The following MAP1A variants were observed in gnomAD, a reference collection of about 807,000 sequenced individuals.
MAP1A encodes the protein microtubule associated protein 1A.
MAP1A carries 42 observed loss-of-function variants against 185.9 expected under a neutral mutation model. That is an observed-to-expected ratio of 0.23 (90% CI 0.18 to 0.29). The LOEUF is 0.29. Among genes scored for constraint, MAP1A ranks in the 10% least tolerant of loss-of-function variants. MAP1A has a pLI of 1.00. For missense variants in MAP1A, 2,995 were observed against 3,450.4 expected (o/e 0.87, Z 3.31); for synonymous variants, 1,229 against 1,335.9 (o/e 0.92, Z 1.74).
In MAP1A at chr15:43,525,198, A is replaced by T. The variant is rs1004147414; in HGVS notation, c.3725A>T (p.Gln1242Leu). The change falls in exon 4 of 6, where the codon CAG (glutamine) becomes CTG (leucine). Residue 1242 changes from glutamine (Q) to leucine (L), a missense_variant. Around this residue, in one of 3 missense-constraint regions of MAP1A, gnomAD observed 2,728 missense variants for 2,986.0 expected, o/e 0.91. Coordinates refer to ENST00000300231, the MANE Select transcript of MAP1A (RefSeq NM_002373.6). ...LGKEEMGHLM[Q>L]AEDTSHHTAP... ...AAGGAAGAAATGGGGCATCTGATGC[A>T]GGCCGAGGATACCTCTCACCACACA... is the stretch of plus-strand genomic sequence containing the variant. 4 of 1,614,162 alleles carry T rather than the reference A, an allele frequency of 2.5e-6. No homozygotes were observed. The highest frequency in any genetic ancestry group is 2.5e-6 in the Non-Finnish European group (3 of 1,180,028).
chr15:43,515,369 C>T (rs948139304), upstream of MAP1A, among the ~76,000 whole-genome samples: 8 of 152,188 alleles, frequency 5.3e-5, no homozygotes, highest in Admixed American at 2.0e-4. Flanking sequence ...CCCCTGGAAC[C>T]GGGGTCTGCA....
At position 43,521,788 on chromosome 15, in the gene MAP1A, A is replaced by G; in HGVS notation, c.315A>G (p.Lys105=). 1 of 1,614,230 alleles carries G rather than the reference A, an allele frequency of 6.2e-7. No homozygotes were observed. Among genetic ancestry groups the G allele is most frequent in the Non-Finnish European group, 8.5e-7 (1 of 1,180,040 alleles). The part of the protein sequence containing the change: ...LPGINGLLQR[K]VAELEEEQSQ... Reference sequence around the variant, plus strand: ...GCATCAATGGACTACTGCAGCGCAAAGTGGCAGAGCTAGAGGAGGAGCAGT... The same window carrying G: ...GCATCAATGGACTACTGCAGCGCAAGGTGGCAGAGCTAGAGGAGGAGCAGT... The change falls in exon 4 of 6, where the codon AAA becomes AAG. Residue 105 remains lysine (K), a synonymous_variant. Coordinates refer to ENST00000300231, the MANE Select transcript of MAP1A (RefSeq NM_002373.6). This position sits in a 1 kb window ranked among gnomAD's most constrained non-coding sequence, Gnocchi z 4.6.
chr15:43,518,704 G>GGCCCCCCCCCCC (rs2079307778), intron 1 of MAP1A, among the ~76,000 whole-genome samples: 1 of 104,386 alleles, frequency 9.6e-6, no homozygotes, highest in African/African-American at 6.4e-5. Flanking sequence ...CTGCACCGCA[G>GGCCCCCCCCCCC]CCCACCCCCC....
Position 43,525,265 on chromosome 15 carries a change from A to G in MAP1A, c.3792A>G (p.Ser1264=), listed in dbSNP as rs1393373575. ...CAGAGCCCCATGCAGCCACAGCGTC[A>G]CCTCCCACAGATGGGACAACTCGAT... ...SVPEPHAATA[S]PPTDGTTRYS... is the part of the protein sequence containing the mutation. The change falls in exon 4 of 6, where the codon TCA becomes TCG. Residue 1264 remains serine, a synonymous_variant. Coordinates refer to ENST00000300231, the MANE Select transcript of MAP1A (RefSeq NM_002373.6). The G allele has an allele frequency of 6.2e-7, 1 of 1,614,090 alleles. No homozygotes were observed. Among genetic ancestry groups the G allele is most frequent in the Non-Finnish European group, 8.5e-7 (1 of 1,180,036 alleles).
At position 43,521,481 on chromosome 15, in the gene MAP1A, G is replaced by T. The variant is rs2079319029; in HGVS notation, c.8G>T (p.Gly3Val). The T allele has an allele frequency of 1.2e-6, 2 of 1,614,036 alleles. No homozygotes were observed. The highest frequency in any genetic ancestry group is 2.7e-5 in the African/African-American group (2 of 74,904). Residue 3 changes from glycine to valine, a missense_variant, in exon 4 of 6, where the codon GGC becomes GTC. Physicochemically the swap from Gly to Val is moderately radical, Grantham distance 109. Around this residue, in one of 3 missense-constraint regions of MAP1A, gnomAD observed 264 missense variants for 435.3 expected, o/e 0.61. Transcript: ENST00000300231. This position sits in a 1 kb window ranked among gnomAD's most constrained non-coding sequence, Gnocchi z 4.6. Reference protein sequence around the residue: MDGVAEFSEYVSE... With the variant: MDVVAEFSEYVSE... ...GAGCCCACTCTGCCCACCATGGACG[G>T]CGTGGCTGAGTTCTCCGAGTATGTC... is the stretch of plus-strand genomic sequence containing the variant.
chr15:43,519,792 C>T (rs986452954), intron 1 of MAP1A, among the ~76,000 whole-genome samples: 1 of 152,166 alleles, frequency 6.6e-6, no homozygotes, highest in South Asian at 2.1e-4. Flanking sequence ...GTTTCTTGTT[C>T]AAGAACCTTT....
Position 43,526,240 on chromosome 15 carries a change from A to G in MAP1A, c.4767A>G (p.Lys1589=). 1 of 1,614,108 alleles carries G rather than the reference A, an allele frequency of 6.2e-7. No homozygotes were observed. The change falls in exon 4 of 6, where the codon AAA becomes AAG. Residue 1589 remains lysine (K), a synonymous_variant. Coordinates refer to ENST00000300231, the MANE Select transcript of MAP1A (RefSeq NM_002373.6). This position sits in a 1 kb window ranked among gnomAD's most constrained non-coding sequence, Gnocchi z 4.7. ...AGGAGAGCCTAGTGCAGGAGGATAAAACCAGGAAACCAAAGATGCTAGAGG... is the reference window on the plus strand; with the variant it reads ...AGGAGAGCCTAGTGCAGGAGGATAAGACCAGGAAACCAAAGATGCTAGAGG... The part of the protein sequence containing the change: ...QEQESLVQED[K]TRKPKMLEEK...
At position 43,524,861 on chromosome 15, in the gene MAP1A, G is replaced by A. The variant is rs2079335895; in HGVS notation, c.3388G>A (p.Gly1130Ser). The change falls in exon 4 of 6, where the codon GGC becomes AGC. Residue 1130 changes from glycine (G) to serine (S), a missense_variant. Gly to Ser is a moderately conservative substitution (Grantham distance 56). This residue lies in a region of MAP1A where 2,728 missense variants were observed against 2,986.0 expected (regional missense o/e 0.91). Transcript: ENST00000300231. Reference sequence around the variant, plus strand: ...TTTGAGGACTTTACCCCAAGAACCTGGCAAACCTCAGAAAGATGAGGTGCT... The same window carrying A: ...TTTGAGGACTTTACCCCAAGAACCTAGCAAACCTCAGAAAGATGAGGTGCT... Reference protein sequence around the residue: ...GGLRTLPQEPGKPQKDEVLRY... With the variant: ...GGLRTLPQEPSKPQKDEVLRY... 2 of 1,614,144 alleles carry A rather than the reference G, an allele frequency of 1.2e-6. No homozygotes were observed. The highest frequency in any genetic ancestry group is 1.7e-6 in the Non-Finnish European group (2 of 1,180,036).
At position 43,528,809 on chromosome 15, in the gene MAP1A, G is replaced by A. The variant is rs1167316685; in HGVS notation, c.7336G>A (p.Gly2446Arg). The A allele has an allele frequency of 1.2e-6, 2 of 1,613,382 alleles. No homozygotes were observed. The highest frequency in any genetic ancestry group is 2.7e-5 in the African/African-American group (2 of 74,912). ...TGCCACTGAGCCTCGGCCCCATCGT[G>A]GGGAGCTCTCCCCATCCTTCCTGAA... ...GCATEPRPHR[G>R]ELSPSFLNPP... The change falls in exon 4 of 6, where the codon GGG becomes AGG. Residue 2446 changes from glycine to arginine, a missense_variant. Physicochemically the swap from Gly to Arg is moderately radical, Grantham distance 125 (BLOSUM62 -2). This residue lies in a region of MAP1A where 2,728 missense variants were observed against 2,986.0 expected (regional missense o/e 0.91). Transcript: ENST00000300231.
At position 43,528,343 on chromosome 15, in the gene MAP1A, C is replaced by T; in HGVS notation, c.6870C>T (p.Asp2290=). ...CAGAACAGGAGTCTGGAGAGCTGGA[C>T]CCAGGAATGGAACCAGCTGCCCACA... ...EAAEQESGEL[D]PGMEPAAHSL... is the part of the protein sequence containing the mutation. Residue 2290 remains aspartate (D), a synonymous_variant, in exon 4 of 6, where the codon GAC becomes GAT. Coordinates refer to ENST00000300231, the MANE Select transcript of MAP1A (RefSeq NM_002373.6). 1 of 1,614,070 alleles carries T rather than the reference C, an allele frequency of 6.2e-7. No individual in the cohort carries two copies. Among genetic ancestry groups the T allele is most frequent in the South Asian group, 1.1e-5 (1 of 91,086 alleles).
At position 43,527,647 on chromosome 15, in the gene MAP1A, C is replaced by A; in HGVS notation, c.6174C>A (p.Thr2058=). The part of the protein sequence containing the change: ...EPGPSMEPSL[T]PPAVPPRAPI... ...GGCCAAGTATGGAGCCCAGCCTCAC[C>A]CCACCTGCAGTTCCCCCCCGTGCTC... Residue 2058 remains threonine, a synonymous_variant, in exon 4 of 6, where the codon ACC becomes ACA. Coordinates refer to ENST00000300231, the MANE Select transcript of MAP1A (RefSeq NM_002373.6). 6.2e-7 allele frequency: 1 copy of A among 1,613,914 alleles called. No individual in the cohort carries two copies. Among genetic ancestry groups the A allele is most frequent in the Non-Finnish European group, 8.5e-7 (1 of 1,179,920 alleles).
intron 1 of MAP1A, 111 bp from the exon 2 acceptor site, chr15:43,520,530 G>T: frequency 1.3e-6 from 1 of 756,820 alleles, no homozygotes; most frequent in South Asian, 1.5e-5. Context: ...CAGGGCCTAA[G>T]GATACCTTCT....
intron 2 of MAP1A, 36 bp from the exon 3 acceptor site, chr15:43,520,936 C>T: frequency 6.5e-7 from 1 of 1,539,954 alleles, no homozygotes; most frequent in Non-Finnish European, 8.8e-7. Flanking sequence ...CCCTGGATTT[C>T]CTATATCTGT....
rs769564884 is a variant in MAP1A at position 43,521,887 on chromosome 15, C to T, written c.414C>T (p.Asn138=). ...CTGAGCTTGGAGTTGTCTTTTTCAA[C>T]GTGCCTGAGAAGCTGCGGCTTCCTG... ...ISPELGVVFF[N]VPEKLRLPDA... The change falls in exon 4 of 6, where the codon AAC becomes AAT. Residue 138 remains asparagine (N), a synonymous_variant. Transcript: ENST00000300231. The surrounding 1 kb of genome is among the most constrained non-coding windows in gnomAD (Gnocchi z 4.6). 2.3e-5 allele frequency: 37 copies of T among 1,614,130 alleles called. No individual in the cohort carries two copies. The highest frequency in any genetic ancestry group is 3.3e-5 in the Admixed American group (2 of 60,014).
intron 1 of MAP1A, among the ~76,000 whole-genome samples, chr15:43,518,712 C>CA (rs927395859): frequency 1.1e-4 from 15 of 132,918 alleles, no homozygotes; most frequent in African/African-American, 4.6e-4. Flanking sequence ...CAGCCCACCC[C>CA]CCCCCGCAAC....
At position 43,529,259 on chromosome 15, in the gene MAP1A, C is replaced by A; in HGVS notation, c.7786C>A (p.Arg2596=). 6.2e-7 allele frequency: 1 copy of A among 1,612,472 alleles called. No homozygotes were observed. Among genetic ancestry groups the A allele is most frequent in the Non-Finnish European group, 8.5e-7 (1 of 1,179,434 alleles). The part of the protein sequence containing the change: ...SSESGRVERL[R]EKEKVQGRVG... ...AGAGTCTGGGAGAGTAGAGAGGCTA[C>A]GGGAGAAGGAAAAGGTTCAGGGGCG... Residue 2596 remains arginine, a synonymous_variant, in exon 4 of 6, where the codon CGG becomes AGG. Coordinates refer to ENST00000300231, the MANE Select transcript of MAP1A (RefSeq NM_002373.6). The surrounding 1 kb of genome is among the most constrained non-coding windows in gnomAD (Gnocchi z 4.3).
At chr15:43,516,921 A>T (rs955719116), upstream of MAP1A, among the ~76,000 whole-genome samples, 9 of 152,186 alleles carry the variant, frequency 5.9e-5, no homozygotes, top group African/African-American at 2.2e-4. Context: ...CAAGAATCCC[A>T]AGAATCAGTG....
At position 43,529,876 on chromosome 15, in the gene MAP1A, T is replaced by C. The variant is rs201836416; in HGVS notation, c.8256+6T>C. On this transcript the variant is annotated splice_donor_region_variant and intron_variant, in intron 5 of 5. Coordinates refer to ENST00000300231, the MANE Select transcript of MAP1A (RefSeq NM_002373.6). The surrounding 1 kb of genome is among the most constrained non-coding windows in gnomAD (Gnocchi z 4.3). ...AGTGGGGGGAGAATCTTCAGGTGAG[T>C]AGCAAAGGACACCAAGGAAGTAGTC... 9 of 1,612,002 alleles carry C rather than the reference T, an allele frequency of 5.6e-6. No individual in the cohort carries two copies. The highest frequency in any genetic ancestry group is 5.3e-5 in the African/African-American group (4 of 74,968).
chr15:43,518,684 T>G (rs2079307617), intron 1 of MAP1A, among the ~76,000 whole-genome samples: 1 of 149,390 alleles, frequency 6.7e-6, no homozygotes, highest in African/African-American at 2.5e-5. Flanking sequence ...CCCTCCTGCC[T>G]GCTCAGCCTC....
Sources: allele counts gnomAD v4.1 joint callset (sites outside exome capture counted in the v4.1 genomes callset), GRCh38; gene constraint gnomAD v4.1.1; regional missense constraint gnomAD v4.1.1; non-coding constraint Gnocchi (gnomAD v3.1); transcripts MANE v1.5; gene names NCBI Gene and HGNC (gene_info 2026-07-23, HGNC 2026-07-21).